Variants in KCTD15 observed in about 807,000 individuals in gnomAD.
The protein encoded by KCTD15 is BTB/POZ domain-containing protein KCTD15.
KCTD15 carries 11 observed loss-of-function variants against 27.2 expected under a neutral mutation model. That is an observed-to-expected ratio of 0.41 (90% CI 0.25 to 0.67). The LOEUF (loss-of-function observed/expected upper bound fraction) is 0.67, where lower values mean the gene tolerates loss of function less well. Ranked by LOEUF, KCTD15 falls within the 30% of genes least tolerant of loss-of-function variation. The pLI, the probability that KCTD15 is intolerant of heterozygous loss-of-function variation, is 0.35. For synonymous variants in KCTD15, 163 were observed against 176.0 expected (o/e 0.93, Z 0.58); for missense variants, 350 against 409.3 (o/e 0.86, Z 1.25).
At chr19:33,808,652 A>G (rs951843016) in intron 5 of KCTD15, among the ~76,000 whole-genome samples, 1 of 150,006 alleles carries the variant, frequency 6.7e-6, no homozygotes, top group Non-Finnish European at 1.5e-5. Context: ...TGTGCAGGGG[A>G]AGGGCAGTCA....
intron 6 of KCTD15, chr19:33,812,299 G>A: frequency 9.9e-7 from 1 of 1,014,826 alleles, no homozygotes; most frequent in Non-Finnish European, 1.2e-6. Context: ...TCTCCCTCCA[G>A]AGCTCCCACG....
chr19:33,803,119 C>A (rs1309333113), intron 4 of KCTD15, among the ~76,000 whole-genome samples: 1 of 152,228 alleles, frequency 6.6e-6, no homozygotes, highest in African/African-American at 2.4e-5. Context: ...TTATTCTTCC[C>A]CAGGGCTGGG....
chr19:33,811,565 C>G lies in KCTD15; in HGVS notation c.693+13C>G, dbSNP rs765821805. ...CAACTCGGTACAGGTGAGGGCTGCACGCTGCCCCCTCCCCGCCGCACCCCC... is the reference window on the plus strand; with the variant it reads ...CAACTCGGTACAGGTGAGGGCTGCAGGCTGCCCCCTCCCCGCCGCACCCCC... On this transcript the variant is annotated intron_variant, in intron 6 of 6. Coordinates refer to ENST00000683859, the MANE Select transcript of KCTD15 (RefSeq NM_001129994.2). 1.3e-6 allele frequency: 2 copies of G among 1,583,866 alleles called. No individual in the cohort carries two copies. The highest frequency in any genetic ancestry group is 1.7e-6 in the Non-Finnish European group (2 of 1,162,692).
At chr19:33,807,613 G>T (rs1351174790) in intron 5 of KCTD15, among the ~76,000 whole-genome samples, 4 of 152,132 alleles carry the variant, frequency 2.6e-5, no homozygotes, top group African/African-American at 9.7e-5. Context: ...CCAGCTACTC[G>T]GGAGGCTGAG....
chr19:33,812,933 G>A lies in KCTD15; in HGVS notation c.837G>A (p.Gln279=). 1.3e-6 allele frequency: 2 copies of A among 1,548,106 alleles called. No individual in the cohort carries two copies. Among genetic ancestry groups the A allele is most frequent in the Non-Finnish European group, 1.7e-6 (2 of 1,146,510 alleles). The change falls in exon 7 of 7, where the codon CAG becomes CAA. Residue 279 remains glutamine (Q), a synonymous_variant. Coordinates refer to ENST00000683859, the MANE Select transcript of KCTD15 (RefSeq NM_001129994.2). ...CCCCCACTGCTGTTCGAATCAAGCAGGAACCCCTGGACTAGGCCCTGCTTC... is the reference window on the plus strand; with the variant it reads ...CCCCCACTGCTGTTCGAATCAAGCAAGAACCCCTGGACTAGGCCCTGCTTC... ...QPTPTAVRIK[Q]EPLD
intron 5 of KCTD15, among the ~76,000 whole-genome samples, chr19:33,810,986 G>T (rs1467593634): frequency 2.0e-5 from 3 of 152,112 alleles, no homozygotes; most frequent in African/African-American, 7.2e-5. Context: ...CCAGTGCCTG[G>T]GGCCAGATGG....
At position 33,801,265 on chromosome 19, in the gene KCTD15, T is replaced by G; in HGVS notation, c.165T>G (p.Asn55Lys). The change falls in exon 4 of 7, where the codon AAT becomes AAG. Residue 55 changes from asparagine (N) to lysine (K), a missense_variant. Around this residue, in one of 3 missense-constraint regions of KCTD15, gnomAD observed 54 missense variants for 101.8 expected, o/e 0.53. Transcript: ENST00000683859. ...IPLPAQLTKS[N>K]APVHIDVGGH... ...TGCCAGCCCAGCTCACCAAGTCCAA[T>G]GCACCTGTGCACATCGATGTGGGCG... 1 of 1,613,642 alleles carries G rather than the reference T, an allele frequency of 6.2e-7. No homozygotes were observed. The highest frequency in any genetic ancestry group is 8.5e-7 in the Non-Finnish European group (1 of 1,179,858).
chr19:33,797,675 A>T (rs980920627), intron 1 of KCTD15, among the ~76,000 whole-genome samples: 1 of 147,656 alleles, frequency 6.8e-6, no homozygotes, highest in Non-Finnish European at 1.5e-5. Context: ...CCGGGGGCGG[A>T]CCCCCGCCTC....
chr19:33,799,290 C>A (rs1975452101), intron 2 of KCTD15, among the ~76,000 whole-genome samples: 2 of 152,224 alleles, frequency 1.3e-5, no homozygotes, highest in Admixed American at 1.3e-4. Flanking sequence ...TATTGAATTT[C>A]AAGGCACAAA....
rs1278984455 is a variant in KCTD15, at chr19:33,806,954, T to C, written c.334T>C (p.Tyr112His). ...TGACCGGGATGGGGAGATTTTCCGC[T>C]ACGTCCTGAGCTTCCTGCGGACGTC... The part of the protein sequence containing the change: ...FIDRDGEIFR[Y>H]VLSFLRTSKL... Residue 112 changes from tyrosine (Y) to histidine (H), a missense_variant, in exon 5 of 7, where the codon TAC (tyrosine) becomes CAC (histidine). By Grantham distance (83) the Tyr-to-His change is moderately conservative. Around this residue, in one of 3 missense-constraint regions of KCTD15, gnomAD observed 54 missense variants for 101.8 expected, o/e 0.53. Coordinates refer to ENST00000683859, the MANE Select transcript of KCTD15 (RefSeq NM_001129994.2). The C allele has an allele frequency of 1.2e-6, 2 of 1,614,220 alleles. 1 individual carries two copies. The highest frequency in any genetic ancestry group is 2.2e-5 in the South Asian group (2 of 91,092).
chr19:33,804,070 C>T lies in KCTD15; in HGVS notation c.242+2728C>T, dbSNP rs140365062. Among the ~76,000 whole-genome samples, 365 of 152,314 alleles carry T rather than the reference C, an allele frequency of 2.4e-3. 2 individuals carry two copies. The highest frequency in any genetic ancestry group is 0.017 in the Middle Eastern group (5 of 294). On this transcript the variant is annotated intron_variant, in intron 4 of 6. Coordinates refer to ENST00000683859, the MANE Select transcript of KCTD15 (RefSeq NM_001129994.2). The stretch of plus-strand genomic sequence containing the variant: ...CCATTTTCCACAGGGAACGTGGAGC[C>T]CCTGACAGAGCTGGGAACTCATACC...
At position 33,801,258 on chromosome 19, in the gene KCTD15, A is replaced by G. The variant is rs780076966; in HGVS notation, c.158A>G (p.Lys53Arg). The change falls in exon 4 of 7, where the codon AAG becomes AGG. Residue 53 changes from lysine to arginine, a missense_variant. By Grantham distance (26) the Lys-to-Arg change is conservative. This residue lies in a region of KCTD15 where 54 missense variants were observed against 101.8 expected (regional missense o/e 0.53). Transcript: ENST00000683859. ...QGIPLPAQLTKSNAPVHIDVG... is the reference protein window; with the variant it reads ...QGIPLPAQLTRSNAPVHIDVG... ...ATCCCCCTGCCAGCCCAGCTCACCA[A>G]GTCCAATGCACCTGTGCACATCGAT... 6.2e-7 allele frequency: 1 copy of G among 1,613,508 alleles called. No homozygotes were observed. The highest frequency in any genetic ancestry group is 1.1e-5 in the South Asian group (1 of 91,006).
chr19:33,800,593 G>A, intron 3 of KCTD15, 73 bp downstream of exon 3: 1 of 1,373,194 alleles, frequency 7.3e-7, no homozygotes, highest in Non-Finnish European at 1.0e-6. Flanking sequence ...CCTGTTTACT[G>A]GCTGTCCTTC....
Position 33,811,301 on chromosome 19 carries a change from C to G in KCTD15, c.442C>G (p.Arg148Gly). The change falls in exon 6 of 7, where the codon CGC becomes GGC. Residue 148 changes from arginine to glycine, a missense_variant. Physicochemically the swap from Arg to Gly is moderately radical, Grantham distance 125 (BLOSUM62 -2). Coordinates refer to ENST00000683859, the MANE Select transcript of KCTD15 (RefSeq NM_001129994.2). ...ARYYQLQPMVRELERWQQEQE... is the reference protein window; with the variant it reads ...ARYYQLQPMVGELERWQQEQE... ...CTACTATCAGCTCCAGCCCATGGTG[C>G]GCGAGCTGGAGCGCTGGCAGCAGGA... is the stretch of plus-strand genomic sequence containing the variant. The G allele has an allele frequency of 1.9e-6, 3 of 1,547,444 alleles. No homozygotes were observed. The highest frequency in any genetic ancestry group is 2.4e-5 in the South Asian group (2 of 83,964).
intron 4 of KCTD15, among the ~76,000 whole-genome samples, chr19:33,802,787 C>T (rs1004514870): frequency 3.3e-5 from 5 of 152,238 alleles, no homozygotes; most frequent in Non-Finnish European, 5.9e-5. Flanking sequence ...CGGTTGACGA[C>T]GTTTGTGAGT....
chr19:33,811,190 T>TTCCCCCCCCCCCCC, intron 5 of KCTD15, 57 bp from the exon 6 acceptor site: 3 of 270,402 alleles, frequency 1.1e-5, no homozygotes, highest in South Asian at 2.9e-5. Context: ...CCTCTCCCCC[T>TTCCCCCCCCCCCCC]TCCCCCACCA....
intron 4 of KCTD15, among the ~76,000 whole-genome samples, chr19:33,802,181 C>T (rs1279724335): frequency 6.6e-6 from 1 of 152,024 alleles, no homozygotes; most frequent in Admixed American, 6.5e-5. Flanking sequence ...TCTTGAGCAG[C>T]TTGCTCAGCC....
intron 5 of KCTD15, among the ~76,000 whole-genome samples, chr19:33,810,270 C>T (rs928462615): frequency 6.6e-6 from 1 of 152,242 alleles, no homozygotes; most frequent in African/African-American, 2.4e-5. Flanking sequence ...AGGGGGCGGG[C>T]TTCCCCTCCC....
intron 4 of KCTD15, among the ~76,000 whole-genome samples, chr19:33,806,499 G>C (rs1400306530): frequency 6.6e-6 from 1 of 152,182 alleles, no homozygotes; most frequent in South Asian, 2.1e-4. Flanking sequence ...TCTGGCAAGG[G>C]TGTGTGCACC....
Sources: allele counts gnomAD v4.1 joint callset (sites outside exome capture counted in the v4.1 genomes callset), GRCh38; gene constraint gnomAD v4.1.1; regional missense constraint gnomAD v4.1.1; transcripts MANE v1.5; gene names NCBI Gene and HGNC (gene_info 2026-07-23, HGNC 2026-07-21).